CEP128: variants seen among roughly 807,000 people sequenced by gnomAD.
The protein encoded by CEP128 is centrosomal protein 128kDa.
CEP128 carries 132 observed loss-of-function variants against 156.7 expected under a neutral mutation model. That is an observed-to-expected ratio of 0.84 (90% CI 0.73 to 0.97). CEP128 has a LOEUF of 0.97. Among genes scored for constraint, CEP128 ranks in the 50% least tolerant of loss-of-function variants. The probability of loss-of-function intolerance (pLI) is 0.00; values close to 1 mark genes in which losing one functional copy is unlikely to be tolerated. For missense variants in CEP128, 1,252 were observed against 1,281.9 expected (o/e 0.98, Z 0.36); for synonymous variants, 469 against 448.9 (o/e 1.04, Z -0.57).
chr14:80,870,779 C>T (rs1041335958), intron 8 of CEP128, among the ~76,000 whole-genome samples: 8 of 151,652 alleles, frequency 5.3e-5, no homozygotes, highest in African/African-American at 1.2e-4. Context: ...TAAAAGGCAT[C>T]TAGATGAGGA....
intron 16 of CEP128, among the ~76,000 whole-genome samples, chr14:80,765,769 T>A (rs1284511241): frequency 6.6e-6 from 1 of 152,090 alleles, no homozygotes; most frequent in African/African-American, 2.4e-5. Flanking sequence ...ACCCCTAATT[T>A]TACATTTTAG....
intron 2 of CEP128, chr14:80,954,860 C>G (rs1886570196): frequency 6.6e-6 from 1 of 152,470 alleles, no homozygotes; most frequent in African/African-American, 2.4e-5. Context: ...AATTTCCATA[C>G]TGGACCCATT....
chr14:80,532,947 C>T (rs1415454570), intron 21 of CEP128, among the ~76,000 whole-genome samples: 1 of 152,114 alleles, frequency 6.6e-6, no homozygotes, highest in East Asian at 1.9e-4. Context: ...TTTTCAAGTT[C>T]CATTGAAAGG....
At chr14:80,581,303 G>A (rs919988784) in intron 19 of CEP128, among the ~76,000 whole-genome samples, 1 of 152,090 alleles carries the variant, frequency 6.6e-6, no homozygotes, top group East Asian at 1.9e-4. Flanking sequence ...CTCTCTCATT[G>A]ATATAGCTTA....
chr14:80,801,908 C>A (rs1396942820), intron 13 of CEP128, among the ~76,000 whole-genome samples: 4 of 18,702 alleles, frequency 2.1e-4, no homozygotes, highest in African/African-American at 5.1e-4. Flanking sequence ...ACTCTGTCTC[C>A]CCAAAAAAAA....
chr14:80,656,895 A>G (rs1031261149), intron 19 of CEP128, among the ~76,000 whole-genome samples: 3 of 152,184 alleles, frequency 2.0e-5, no homozygotes, highest in Non-Finnish European at 4.4e-5. Flanking sequence ...AACCAGATAT[A>G]CTAACAGAAT....
intron 19 of CEP128, among the ~76,000 whole-genome samples, chr14:80,644,939 A>T (rs1345664286): frequency 2.0e-5 from 3 of 152,220 alleles, no homozygotes; most frequent in Non-Finnish European, 4.4e-5. Flanking sequence ...CTCATGGAAC[A>T]AATGAATCAT....
chr14:80,572,642 C>A (rs1891190833), intron 20 of CEP128, among the ~76,000 whole-genome samples: 1 of 151,994 alleles, frequency 6.6e-6, no homozygotes, highest in South Asian at 2.1e-4. Context: ...TCGAGACTGG[C>A]AAAAACTCCC....
downstream of CEP128, chr14:80,490,352 A>T (rs1887283155): frequency 6.6e-6 from 1 of 152,124 alleles, no homozygotes; most frequent in Non-Finnish European, 1.5e-5. Flanking sequence ...GTTGACTGTG[A>T]GCCACTGGTA....
chr14:80,579,379 A>C (rs1891493742), intron 20 of CEP128, among the ~76,000 whole-genome samples: 1 of 152,000 alleles, frequency 6.6e-6, no homozygotes, highest in African/African-American at 2.4e-5. Context: ...AAAATAATCT[A>C]ATCTGTACAA....
At chr14:80,487,647 G>T (rs1194751590), downstream of CEP128, among the ~76,000 whole-genome samples, 7 of 152,144 alleles carry the variant, frequency 4.6e-5, no homozygotes, top group Non-Finnish European at 8.8e-5. Flanking sequence ...CTCAGCAAAT[G>T]TAAAAGAACA....
chr14:80,592,006 G>T (rs145692268), intron 19 of CEP128, among the ~76,000 whole-genome samples: 2 of 152,148 alleles, frequency 1.3e-5, no homozygotes, highest in South Asian at 4.2e-4. Flanking sequence ...CAGATAAGCA[G>T]TGTTTAGAGG....
chr14:80,830,785 C>T (rs376882572), intron 13 of CEP128: 13 of 197,736 alleles, frequency 6.6e-5, no homozygotes, highest in East Asian at 5.9e-4. Context: ...CAGTTTCACC[C>T]GCAAAATAAA....
chr14:80,810,985 A>G (rs328207), intron 13 of CEP128, among the ~76,000 whole-genome samples: 151,524 of 152,270 alleles, frequency 1, 75,392 homozygotes, highest in East Asian at 1. Context: ...TCCCTTCCCT[A>G]TGTCCATGTG....
At chr14:80,749,407 GA>G (rs978986207) in intron 18 of CEP128, among the ~76,000 whole-genome samples, 5 of 152,314 alleles carry the variant, frequency 3.3e-5, no homozygotes, top group Non-Finnish European at 7.4e-5. Flanking sequence ...AATGGATAAA[GA>G]AAATGTGGTG....
At chr14:80,488,973 A>T (rs61979242), downstream of CEP128, among the ~76,000 whole-genome samples, 51 of 123,484 alleles carry the variant, frequency 4.1e-4, no homozygotes, top group African/African-American at 1.6e-3. Flanking sequence ...ATCACACTCC[A>T]GGGACTGTTG....
At chr14:80,861,243 TTACAATAGAAAG>T (rs977367910) in intron 9 of CEP128, among the ~76,000 whole-genome samples, 1 of 151,750 alleles carries the variant, frequency 6.6e-6, no homozygotes, top group African/African-American at 2.4e-5. Context: ...CAATAGAAAT[TTACAATAGAAAG>T]TACAATAGAA....
At chr14:80,494,119 C>T (rs1887414742), downstream of CEP128, among the ~76,000 whole-genome samples, 1 of 152,144 alleles carries the variant, frequency 6.6e-6, no homozygotes, top group African/African-American at 2.4e-5. Context: ...TATTGCTAAA[C>T]ATTTGAGAAC....
At chr14:80,678,004 A>G (rs1009703387) in intron 19 of CEP128, among the ~76,000 whole-genome samples, 1 of 150,134 alleles carries the variant, frequency 6.7e-6, no homozygotes, top group Non-Finnish European at 1.5e-5. Context: ...ATCAATTCCT[A>G]TCCAACCTCT....
Sources: gnomAD v4.1 joint callset for allele counts (sites outside exome capture counted in the v4.1 genomes callset) on GRCh38, gnomAD v4.1.1 for gene constraint, MANE v1.5 for transcripts, NCBI Gene and HGNC (gene_info 2026-07-23, HGNC 2026-07-21) for gene names.